POLR1C: variants seen among roughly 807,000 people sequenced by gnomAD.
POLR1C encodes the protein DNA-directed RNA polymerases I and III subunit RPAC1.
A neutral mutation model predicts 38.3 loss-of-function variants in POLR1C; 42 were observed. The observed-to-expected ratio is 1.10, with a 90% CI of 0.86 to 1.42. POLR1C has a LOEUF of 1.42. POLR1C is among the 40% of genes most tolerant of loss of function. POLR1C has a pLI of 0.00. For missense variants in POLR1C, 507 were observed against 450.5 expected (o/e 1.13, Z -1.14); for synonymous variants, 163 against 163.9 (o/e 0.99, Z 0.04).
downstream of POLR1C, among the ~76,000 whole-genome samples, chr6:43,531,300 CA>C (rs1283654938): frequency 6.6e-6 from 1 of 152,052 alleles, no homozygotes; most frequent in Non-Finnish European, 1.5e-5. Flanking sequence ...ATGACAATTA[CA>C]AAAAAAGCAA....
intron 9 of POLR1C, chr6:43,549,982 G>T: frequency 2.5e-6 from 4 of 1,585,844 alleles, no homozygotes; most frequent in Non-Finnish European, 3.4e-6. Context: ...TTGTTTTAGA[G>T]ATGAGATCTT....
At chr6:43,539,500 G>C (rs1234944434) in intron 9 of POLR1C, 3 of 1,570,762 alleles carry the variant, frequency 1.9e-6, no homozygotes, top group African/African-American at 2.7e-5. Flanking sequence ...CCTTGACCAA[G>C]CGGCCCAGCT....
intron 8 of POLR1C, 47 bp from the exon 9 acceptor site, chr6:43,521,135 T>C (rs750625332): frequency 6.2e-7 from 1 of 1,610,592 alleles, no homozygotes; most frequent in African/African-American, 1.3e-5. Flanking sequence ...ATGAGTAAGT[T>C]TTACAGGCAA....
downstream of POLR1C, among the ~76,000 whole-genome samples, chr6:43,531,060 A>C (rs968214624): frequency 1.3e-4 from 20 of 152,258 alleles, no homozygotes; most frequent in African/African-American, 4.6e-4. Context: ...CGATCTCATT[A>C]GCTTGGCTGA....
downstream of POLR1C, chr6:43,522,511 C>T: frequency 4.5e-6 from 1 of 222,436 alleles, no homozygotes; most frequent in Non-Finnish European, 1.0e-5. Flanking sequence ...CAGGAATAGG[C>T]AGCTATCAGG....
intron 8 of POLR1C, chr6:43,529,193 G>T: frequency 6.9e-7 from 1 of 1,449,524 alleles, no homozygotes. Context: ...TAAAAAAATA[G>T]GAAGGAGGAC....
rs1162223964 is a variant in POLR1C, at chr6:43,547,456, A to G, written c.*5-3512A>G. On this transcript the variant is annotated intron_variant, in intron 9 of 10. Coordinates refer to the POLR1C transcript ENST00000607635. Reference sequence around the variant, plus strand: ...GGAACTAACTCAAGAATTCAAGACTAAAGAAGAAAAGAAAGGAGAAGCTTA... The same window carrying G: ...GGAACTAACTCAAGAATTCAAGACTGAAGAAGAAAAGAAAGGAGAAGCTTA... 5.5e-6 allele frequency: 4 copies of G among 729,766 alleles called. No homozygotes were observed. The South Asian group carries it at 5.9e-5, about 11-fold the overall frequency. The allele number at this position is 729,766 out of a possible 1,614,324, so 45.2% of individuals were successfully genotyped here. A position where few individuals can be genotyped will look rare whatever the true frequency, so the allele number is the denominator to read the frequency against.
chr6:43,526,679 A>T, intron 8 of POLR1C: 1 of 1,613,868 alleles, frequency 6.2e-7, no homozygotes, highest in Non-Finnish European at 8.5e-7. Context: ...TCACAGGCTC[A>T]CTTACCGTCT....
At chr6:43,536,523 C>G (rs1025178789) in intron 9 of POLR1C, among the ~76,000 whole-genome samples, 2 of 151,392 alleles carry the variant, frequency 1.3e-5, no homozygotes, top group Non-Finnish European at 2.9e-5. Flanking sequence ...CTTTAGGAAG[C>G]CGAGGTGGGT....
At chr6:43,555,857 G>T (rs1355422014) in intron 10 of POLR1C, 2 of 1,613,842 alleles carry the variant, frequency 1.2e-6, no homozygotes, top group Admixed American at 1.7e-5. Context: ...CCAGCATCAA[G>T]AAAAGTTGAT....
intron 9 of POLR1C, chr6:43,547,782 G>A: frequency 7.5e-7 from 1 of 1,339,896 alleles, no homozygotes; most frequent in Non-Finnish European, 1.1e-6. Flanking sequence ...GGAGTTAACA[G>A]GCTATCATTA....
downstream of POLR1C, chr6:43,525,666 C>T (rs1793539150): frequency 4.7e-6 from 3 of 642,158 alleles, no homozygotes; most frequent in African/African-American, 3.7e-5. Flanking sequence ...GTATGGGAGA[C>T]ACCATGGCAT....
At chr6:43,554,422 CTT>C (rs753397086) in intron 10 of POLR1C, among the ~76,000 whole-genome samples, 1 of 136,806 alleles carries the variant, frequency 7.3e-6, no homozygotes. Context: ...CTTTTCTTTT[CTT>C]TTTTTTTTTT....
intron 10 of POLR1C, among the ~76,000 whole-genome samples, chr6:43,559,813 G>A (rs917635934): frequency 6.6e-6 from 1 of 152,114 alleles, no homozygotes; most frequent in Non-Finnish European, 1.5e-5. Context: ...ATGCCAATCA[G>A]TCTTTTTTAT....
chr6:43,545,169 C>A (rs574029154), intron 9 of POLR1C, among the ~76,000 whole-genome samples: 1 of 151,968 alleles, frequency 6.6e-6, no homozygotes, highest in African/African-American at 2.4e-5. Flanking sequence ...CACCACACCC[C>A]GCCAAAATAT....
rs1032840377 is a variant in POLR1C at position 43,520,428 on chromosome 6, G to A, written c.655+1G>A. On this transcript the variant is annotated splice_donor_variant, in intron 6 of 8. Coordinates refer to ENST00000642195, the MANE Select transcript of POLR1C (RefSeq NM_203290.4). LOFTEE classifies it high-confidence loss of function. Reference sequence around the variant, plus strand: ...CTCATGCACTGTGTCAAGGGCATTGGTGAGAACCCTGTGTGCCTTCCTGGG... The same window carrying A: ...CTCATGCACTGTGTCAAGGGCATTGATGAGAACCCTGTGTGCCTTCCTGGG... The A allele has an allele frequency of 6.2e-7, 1 of 1,613,350 alleles. No individual in the cohort carries two copies. The highest frequency in any genetic ancestry group is 8.5e-7 in the Non-Finnish European group (1 of 1,180,040).
chr6:43,539,265 C>T (rs184534573), intron 9 of POLR1C: 36,310 of 1,475,294 alleles, frequency 0.025, 762 homozygotes, highest in African/African-American at 0.079. Context: ...GCGGTGGCCA[C>T]CTCCTTGGAG....
At chr6:43,522,454 A>G, downstream of POLR1C, 1 of 162,088 alleles carries the variant, frequency 6.2e-6, no homozygotes. Context: ...TGTTAAAAAT[A>G]TTACAATGCA....
chr6:43,559,676 TTATGA>T (rs769388310), intron 10 of POLR1C, among the ~76,000 whole-genome samples: 39 of 152,248 alleles, frequency 2.6e-4, no homozygotes, highest in Non-Finnish European at 5.1e-4. Flanking sequence ...AGCCCAATAC[TTATGA>T]TATATTAAGT....
Sources: allele counts gnomAD v4.1 joint callset (sites outside exome capture counted in the v4.1 genomes callset), GRCh38; gene constraint gnomAD v4.1.1; transcripts MANE v1.5; gene names NCBI Gene and HGNC (gene_info 2026-07-23, HGNC 2026-07-21).